Variants in DGKG observed in about 807,000 individuals in gnomAD.
The protein encoded by DGKG is diacylglycerol kinase gamma, also known as DAG kinase gamma.
Under a neutral mutation model 105.3 loss-of-function variants are expected in DGKG, and 78 were observed. That is an observed-to-expected ratio of 0.74 (90% confidence interval 0.62 to 0.89). The LOEUF is 0.89. Among genes scored for constraint, DGKG ranks in the 40% least tolerant of loss-of-function variants. The pLI, the probability that DGKG is intolerant of heterozygous loss-of-function variation, is 0.00. For missense variants in DGKG, 958 were observed against 1,020.1 expected (o/e 0.94, Z 0.83); for synonymous variants, 346 against 367.1 (o/e 0.94, Z 0.66).
chr3:186,155,335 G>A (rs1715983584), intron 24 of DGKG, among the ~76,000 whole-genome samples: 1 of 152,180 alleles, frequency 6.6e-6, no homozygotes, highest in Admixed American at 6.5e-5. Flanking sequence ...TGGGATTACA[G>A]GCACCCACCA....
intron 7 of DGKG, among the ~76,000 whole-genome samples, chr3:186,282,307 C>T (rs1396579429): frequency 6.6e-6 from 1 of 152,288 alleles, no homozygotes; most frequent in East Asian, 1.9e-4. Context: ...CCAGCAGTCA[C>T]CCCCAGCAGT....
chr3:186,290,760 A>G (rs1276849865), intron 5 of DGKG, among the ~76,000 whole-genome samples: 1 of 152,226 alleles, frequency 6.6e-6, no homozygotes, highest in Non-Finnish European at 1.5e-5. Flanking sequence ...GGGTATGCAC[A>G]GAGAGCTAGC....
chr3:186,269,059 G>C (rs1202398687), intron 11 of DGKG, 142 bp from the exon 12 acceptor site: 1 of 633,734 alleles, frequency 1.6e-6, no homozygotes, highest in East Asian at 2.8e-5. Context: ...ATTGGATGTT[G>C]GGTGGCTTGC....
intron 21 of DGKG, among the ~76,000 whole-genome samples, chr3:186,188,807 A>T (rs1010483964): frequency 2.7e-4 from 41 of 151,984 alleles, no homozygotes; most frequent in Middle Eastern, 3.4e-3. Context: ...ATGACAGAAA[A>T]TTTTCATATA....
At chr3:186,271,498 C>T (rs952015898) in intron 11 of DGKG, among the ~76,000 whole-genome samples, 1 of 152,196 alleles carries the variant, frequency 6.6e-6, no homozygotes, top group African/African-American at 2.4e-5. Context: ...CGCAGTACTG[C>T]CTTTTACCTC....
At chr3:186,240,086 C>T (rs951095225) in intron 20 of DGKG, among the ~76,000 whole-genome samples, 3 of 152,034 alleles carry the variant, frequency 2.0e-5, no homozygotes, top group East Asian at 1.9e-4. Context: ...TTTCCTCTGC[C>T]GAGACCATAC....
intron 21 of DGKG, among the ~76,000 whole-genome samples, chr3:186,200,543 CTT>C: frequency 6.6e-6 from 1 of 152,280 alleles, no homozygotes; most frequent in Non-Finnish European, 1.5e-5. Flanking sequence ...TAGGATGAGT[CTT>C]TTGTGGAGTG....
At chr3:186,306,866 G>C (rs777075423) in intron 3 of DGKG, 35 bp downstream of exon 3, 93 of 1,419,150 alleles carry the variant, frequency 6.6e-5, no homozygotes, top group Non-Finnish European at 7.6e-5. Context: ...AAAAACACAG[G>C]GGTTTTTAAA....
intron 19 of DGKG, among the ~76,000 whole-genome samples, chr3:186,246,883 A>G (rs893492694): frequency 2.6e-5 from 4 of 152,196 alleles, no homozygotes; most frequent in Non-Finnish European, 2.9e-5. Context: ...AGCATCAGAA[A>G]TAGATTTCAC....
intron 5 of DGKG, among the ~76,000 whole-genome samples, chr3:186,291,317 A>G (rs1416558406): frequency 2.0e-5 from 3 of 152,254 alleles, no homozygotes; most frequent in Admixed American, 6.5e-5. Context: ...TCCCTTATGA[A>G]CACAGAGGCA....
At chr3:186,174,073 C>T (rs556738697) in intron 22 of DGKG, among the ~76,000 whole-genome samples, 4 of 152,220 alleles carry the variant, frequency 2.6e-5, no homozygotes, top group Admixed American at 2.0e-4. Context: ...TGAAACAGCA[C>T]GAGCTTCGGA....
intron 5 of DGKG, among the ~76,000 whole-genome samples, chr3:186,294,330 A>G (rs980994995): frequency 3.3e-5 from 5 of 152,168 alleles, no homozygotes; most frequent in African/African-American, 1.2e-4. Context: ...ATCTTCTTCT[A>G]GGTTCCTCTT....
intron 24 of DGKG, chr3:186,160,137 A>G: frequency 6.3e-6 from 6 of 957,184 alleles, no homozygotes; most frequent in Non-Finnish European, 7.5e-6. Flanking sequence ...TCTGGGCCTC[A>G]CACTATGAAA....
At chr3:186,239,458 G>T (rs1720571522) in intron 20 of DGKG, among the ~76,000 whole-genome samples, 1 of 152,136 alleles carries the variant, frequency 6.6e-6, no homozygotes, top group South Asian at 2.1e-4. Context: ...GGTGTAATGG[G>T]GTAACCATGG....
intron 24 of DGKG, among the ~76,000 whole-genome samples, chr3:186,151,132 G>A (rs976769356): frequency 2.0e-5 from 3 of 152,224 alleles, no homozygotes; most frequent in Non-Finnish European, 4.4e-5. Flanking sequence ...AACTGTAAAT[G>A]AGGAGGATAA....
chr3:186,292,662 C>T (rs542865739), intron 5 of DGKG, among the ~76,000 whole-genome samples: 4 of 140,224 alleles, frequency 2.9e-5, no homozygotes, highest in East Asian at 1.9e-4. Flanking sequence ...GGCGTGGTGG[C>T]GGGTGCCTGT....
Position 186,349,740 on chromosome 3 carries a change from G to A in DGKG, c.-249+12206C>T, listed in dbSNP as rs140535906. On this transcript the variant is annotated intron_variant, in intron 1 of 24. Coordinates refer to ENST00000265022, the MANE Select transcript of DGKG (RefSeq NM_001346.3). ...CATTGCCTGCCTACCTAGCATTCCT[G>A]TAGCTCTTGCCACTTTTTAAAGTTT... Among the ~76,000 whole-genome samples, 381 of 152,276 alleles carry A rather than the reference G, an allele frequency of 2.5e-3. 3 individuals are homozygous for A. Among genetic ancestry groups the A allele is most frequent in the African/African-American group, 8.8e-3 (366 of 41,552 alleles).
At chr3:186,237,958 T>C (rs530539376) in intron 20 of DGKG, among the ~76,000 whole-genome samples, 1 of 152,160 alleles carries the variant, frequency 6.6e-6, no homozygotes, top group East Asian at 1.9e-4. Flanking sequence ...ATGAAAACAG[T>C]TCTTAGTCAG....
chr3:186,183,626 A>G (rs529288636), intron 22 of DGKG, among the ~76,000 whole-genome samples: 1 of 152,186 alleles, frequency 6.6e-6, no homozygotes, highest in African/African-American at 2.4e-5. Flanking sequence ...AATTGGTAAT[A>G]TAAGTTTAAT....
Sources: allele counts gnomAD v4.1 joint callset (sites outside exome capture counted in the v4.1 genomes callset), GRCh38; gene constraint gnomAD v4.1.1; transcripts MANE v1.5; gene names NCBI Gene and HGNC (gene_info 2026-07-23, HGNC 2026-07-21).